The following TBC1D22A variants were observed in gnomAD, a reference collection of about 807,000 sequenced individuals.
TBC1D22A encodes TBC1 domain family member 22A.
In TBC1D22A, 38 loss-of-function variants were observed where a neutral mutation model predicts 60.2. That is an observed-to-expected ratio of 0.63 (90% confidence interval 0.49 to 0.83). TBC1D22A has a LOEUF of 0.83. Ranked by LOEUF, TBC1D22A falls within the 40% of genes least tolerant of loss-of-function variation. The probability of loss-of-function intolerance (pLI) is 0.00; values close to 1 mark genes in which losing one functional copy is unlikely to be tolerated. For synonymous variants in TBC1D22A, 302 were observed against 281.7 expected (o/e 1.07, Z -0.72); for missense variants, 628 against 701.0 (o/e 0.90, Z 1.18).
At chr22:47,057,585 A>C (rs912598291) in intron 11 of TBC1D22A, among the ~76,000 whole-genome samples, 1 of 152,360 alleles carries the variant, frequency 6.6e-6, no homozygotes, top group Middle Eastern at 3.4e-3. Flanking sequence ...ACAGTTCCAC[A>C]TGGCTGGGGA....
chr22:47,118,068 A>T (rs1354106993), intron 12 of TBC1D22A, among the ~76,000 whole-genome samples: 2 of 152,172 alleles, frequency 1.3e-5, no homozygotes. Flanking sequence ...GGTTGCAGTG[A>T]GCCGAGATGA....
At chr22:47,050,201 C>T (rs1327899985) in intron 11 of TBC1D22A, among the ~76,000 whole-genome samples, 1 of 152,160 alleles carries the variant, frequency 6.6e-6, no homozygotes, top group East Asian at 1.9e-4. Flanking sequence ...GACGGGGTTT[C>T]ACCCTGTTGG....
intron 12 of TBC1D22A, among the ~76,000 whole-genome samples, chr22:47,132,679 T>C (rs1251495593): frequency 6.6e-6 from 1 of 152,162 alleles, no homozygotes; most frequent in Admixed American, 6.5e-5. Context: ...TGACCTCTCA[T>C]TGTCTGCCAC....
chr22:46,842,659 C>T (rs963114990), intron 4 of TBC1D22A, among the ~76,000 whole-genome samples: 1 of 152,236 alleles, frequency 6.6e-6, no homozygotes, highest in Non-Finnish European at 1.5e-5. Context: ...AATGCATGAC[C>T]TGTGCAGCGC....
Position 46,912,847 on chromosome 22 carries a change from G to A in TBC1D22A, c.1015+659G>A, listed in dbSNP as rs1400035967. ...TGGGATTATAGACGTGAGCTACCACGCCCAGTCAGTGGCTTGAATTTAAAT... is the reference window on the plus strand; with the variant it reads ...TGGGATTATAGACGTGAGCTACCACACCCAGTCAGTGGCTTGAATTTAAAT... On this transcript the variant is annotated intron_variant, in intron 8 of 12. Coordinates refer to ENST00000337137, the MANE Select transcript of TBC1D22A (RefSeq NM_014346.5). Among the ~76,000 whole-genome samples the A allele has an allele frequency of 2.6e-5, 4 of 152,172 alleles. 1 individual carries two copies. The highest frequency in any genetic ancestry group is 4.4e-5 in the Non-Finnish European group (3 of 68,030).
At chr22:46,841,284 C>T (rs552472124) in intron 4 of TBC1D22A, among the ~76,000 whole-genome samples, 2 of 152,306 alleles carry the variant, frequency 1.3e-5, no homozygotes, top group African/African-American at 4.8e-5. Flanking sequence ...TCACTCTCTT[C>T]TGCTATTTGG....
At chr22:47,135,931 C>G (rs2066852772) in intron 12 of TBC1D22A, among the ~76,000 whole-genome samples, 1 of 152,138 alleles carries the variant, frequency 6.6e-6, no homozygotes, top group Non-Finnish European at 1.5e-5. Flanking sequence ...CCAGGACCAC[C>G]CGGACACACG....
At chr22:47,110,991 G>C (rs187357412) in intron 11 of TBC1D22A, among the ~76,000 whole-genome samples, 1 of 152,174 alleles carries the variant, frequency 6.6e-6, no homozygotes, top group Non-Finnish European at 1.5e-5. Context: ...GTGTCCTTCC[G>C]CGTCCGTGGC....
At chr22:46,996,080 C>A (rs2075113163) in intron 9 of TBC1D22A, among the ~76,000 whole-genome samples, 1 of 152,252 alleles carries the variant, frequency 6.6e-6, no homozygotes, top group Non-Finnish European at 1.5e-5. Flanking sequence ...ACCCCTGCCC[C>A]CTCAGGCGCA....
At chr22:46,897,537 T>C (rs758165926) in intron 7 of TBC1D22A, among the ~76,000 whole-genome samples, 28 of 150,154 alleles carry the variant, frequency 1.9e-4, no homozygotes, top group Non-Finnish European at 1.0e-4. Flanking sequence ...CTTTCAGTTT[T>C]TCATCTGCCA....
chr22:46,838,643 T>C (rs11090895), intron 4 of TBC1D22A, among the ~76,000 whole-genome samples: 47,365 of 152,026 alleles, frequency 0.31, 7,496 homozygotes, highest in South Asian at 0.44. Flanking sequence ...CTGATGAACA[T>C]AGATGCAAAA....
intron 12 of TBC1D22A, among the ~76,000 whole-genome samples, chr22:47,117,792 C>G (rs890546504): frequency 2.6e-5 from 4 of 152,110 alleles, no homozygotes; most frequent in African/African-American, 9.7e-5. Flanking sequence ...GTGAAGCAAC[C>G]ATAGGAGGAA....
chr22:46,815,267 G>T (rs1391196224), intron 4 of TBC1D22A, among the ~76,000 whole-genome samples: 1 of 152,184 alleles, frequency 6.6e-6, no homozygotes. Context: ...GAGCTGTGCG[G>T]CGGTCGCTTG....
intron 4 of TBC1D22A, among the ~76,000 whole-genome samples, chr22:46,827,545 G>A (rs1409142617): frequency 6.6e-6 from 1 of 152,158 alleles, no homozygotes; most frequent in Non-Finnish European, 1.5e-5. Context: ...TTTATAAGTC[G>A]TAGTCTTCTC....
At chr22:46,861,660 G>T (rs535871278) in intron 4 of TBC1D22A, among the ~76,000 whole-genome samples, 1 of 152,234 alleles carries the variant, frequency 6.6e-6, no homozygotes, top group Non-Finnish European at 1.5e-5. Flanking sequence ...CCTCCCAGGA[G>T]GGGGAGGAGG....
chr22:46,883,867 C>T (rs1569171432), intron 5 of TBC1D22A, among the ~76,000 whole-genome samples: 1 of 152,228 alleles, frequency 6.6e-6, no homozygotes, highest in Non-Finnish European at 1.5e-5. Flanking sequence ...GTCTCTTTCT[C>T]TCCACCTCTG....
chr22:46,995,378 C>T (rs182076222), intron 9 of TBC1D22A, among the ~76,000 whole-genome samples: 29 of 152,184 alleles, frequency 1.9e-4, no homozygotes, highest in African/African-American at 6.5e-4. Flanking sequence ...AGGTCTGACT[C>T]GGCTCATTTT....
intron 4 of TBC1D22A, among the ~76,000 whole-genome samples, chr22:46,876,310 AAGAC>A (rs1275912947): frequency 3.3e-5 from 5 of 152,204 alleles, no homozygotes; most frequent in African/African-American, 1.2e-4. Flanking sequence ...TCCGCACAAA[AAGAC>A]AGACATTCTT....
chr22:46,865,545 T>G (rs745985791), intron 4 of TBC1D22A, among the ~76,000 whole-genome samples: 1 of 152,178 alleles, frequency 6.6e-6, no homozygotes, highest in Non-Finnish European at 1.5e-5. Flanking sequence ...TTATGTGAAA[T>G]CACATGTGAA....
Sources: gnomAD v4.1 joint callset for allele counts (sites outside exome capture counted in the v4.1 genomes callset) on GRCh38, gnomAD v4.1.1 for gene constraint, MANE v1.5 for transcripts, NCBI Gene and HGNC (gene_info 2026-07-23, HGNC 2026-07-21) for gene names.